PTPRD: variants seen among roughly 807,000 people sequenced by gnomAD.
The protein encoded by PTPRD is receptor-type tyrosine-protein phosphatase delta.
PTPRD carries 34 observed loss-of-function variants against 214.5 expected under a neutral mutation model. The observed-to-expected ratio is 0.16, with a 90% CI of 0.12 to 0.21. The LOEUF is 0.21. Among genes scored for constraint, PTPRD ranks in the 10% least tolerant of loss-of-function variants. The pLI is 1.00. For synonymous variants in PTPRD, 1,128 were observed against 845.7 expected, an observed-to-expected ratio of 1.33 and a Z score of -5.79; for missense variants, 2,545 against 2,398.7, an observed-to-expected ratio of 1.06 and a Z score of -1.27.
chr9:9,611,262 A>C (rs949584393), intron 7 of PTPRD, among the ~76,000 whole-genome samples: 1 of 152,226 alleles, frequency 6.6e-6, no homozygotes, highest in African/African-American at 2.4e-5. Flanking sequence ...AAATAACAGA[A>C]TTGGAAAATC....
chr9:8,398,741 G>A (rs2091791409), intron 36 of PTPRD, among the ~76,000 whole-genome samples: 1 of 152,160 alleles, frequency 6.6e-6, no homozygotes, highest in African/African-American at 2.4e-5. Flanking sequence ...CAGCAAAACA[G>A]AGCACCATCT....
At chr9:8,331,867 T>TACAAAAAGGGTAG in intron 43 of PTPRD, 131 bp from the exon 44 acceptor site, 2 of 1,080,238 alleles carry the variant, frequency 1.9e-6, no homozygotes, top group African/African-American at 3.2e-5. Flanking sequence ...GGAACATGTT[T>TACAAAAAGGGTAG]AAATAGAAAC....
intron 14 of PTPRD, among the ~76,000 whole-genome samples, chr9:8,591,640 G>A (rs2094115135): frequency 6.6e-6 from 1 of 152,140 alleles, no homozygotes; most frequent in African/African-American, 2.4e-5. Flanking sequence ...AATTTCTGAA[G>A]CTCAAATTCA....
At position 10,122,866 on chromosome 9, in the gene PTPRD, G is replaced by C. The variant is rs138468497; in HGVS notation, c.-544-89076C>G. On this transcript the variant is annotated intron_variant, in intron 3 of 45. Coordinates refer to ENST00000381196, the MANE Select transcript of PTPRD (RefSeq NM_002839.4). Reference sequence around the variant, plus strand: ...GTGATTATACAGCAGTTGTAAACTGGAACCTGTTGGTGAGAGGAATTTCCT... The same window carrying C: ...GTGATTATACAGCAGTTGTAAACTGCAACCTGTTGGTGAGAGGAATTTCCT... Among the ~76,000 whole-genome samples, 291 of 152,288 alleles carry C rather than the reference G, an allele frequency of 1.9e-3. 2 individuals carry two copies. The highest frequency in any genetic ancestry group is 3.2e-3 in the Non-Finnish European group (215 of 68,022).
Position 8,605,009 on chromosome 9 carries a change from A to C in PTPRD, c.352+28308T>G, listed in dbSNP as rs558390824. ...GATTTCTGGGTTTTCCATTTATTTA[A>C]GTAACAAAACAAAAATAAACTGCCA... On this transcript the variant is annotated intron_variant, in intron 14 of 45. Transcript: ENST00000381196. 1.5e-4 allele frequency among the ~76,000 whole-genome samples: 23 copies of C among 152,316 alleles called. No individual in the cohort carries two copies. In the South Asian group the frequency reaches 3.1e-3, roughly 21 times the overall value.
At chr9:10,041,056 A>T (rs2097288309) in intron 3 of PTPRD, among the ~76,000 whole-genome samples, 1 of 152,104 alleles carries the variant, frequency 6.6e-6, no homozygotes, top group South Asian at 2.1e-4. Flanking sequence ...GAAAAACAAG[A>T]ATGTAAAAAC....
intron 2 of PTPRD, among the ~76,000 whole-genome samples, chr9:10,377,896 C>A (rs970987478): frequency 2.0e-5 from 3 of 152,128 alleles, no homozygotes; most frequent in Non-Finnish European, 4.4e-5. Flanking sequence ...CATTGATACA[C>A]TGATTTCATT....
chr9:8,552,546 G>T (rs944020400), intron 14 of PTPRD, among the ~76,000 whole-genome samples: 3 of 152,086 alleles, frequency 2.0e-5, no homozygotes, highest in Non-Finnish European at 4.4e-5. Flanking sequence ...GAGACTTCTC[G>T]CAGCTTCAGG....
chr9:8,579,049 C>T (rs75722197), intron 14 of PTPRD, among the ~76,000 whole-genome samples: 5,216 of 152,154 alleles, frequency 0.034, 171 homozygotes, highest in African/African-American at 0.085. Flanking sequence ...ACTTACAAGT[C>T]CAAATCTGTA....
chr9:9,948,631 T>C (rs1168502031), intron 4 of PTPRD, among the ~76,000 whole-genome samples: 1 of 152,114 alleles, frequency 6.6e-6, no homozygotes, highest in Non-Finnish European at 1.5e-5. Flanking sequence ...CCCCAAAGGT[T>C]AAATTTTAAG....
intron 34 of PTPRD, among the ~76,000 whole-genome samples, chr9:8,440,362 C>T (rs1431671620): frequency 6.6e-6 from 1 of 151,042 alleles, no homozygotes; most frequent in Non-Finnish European, 1.5e-5. Context: ...GTTGCCCAGG[C>T]TGGAGTGCAG....
intron 11 of PTPRD, among the ~76,000 whole-genome samples, chr9:8,933,127 C>A (rs954146422): frequency 1.3e-5 from 2 of 151,960 alleles, no homozygotes; most frequent in African/African-American, 2.4e-5. Context: ...GGAGGGAGTT[C>A]CCCGACCCCT....
At chr9:9,815,779 C>G (rs1441561138) in intron 5 of PTPRD, among the ~76,000 whole-genome samples, 2 of 152,042 alleles carry the variant, frequency 1.3e-5, no homozygotes, top group Admixed American at 6.6e-5. Context: ...GTATGTTGGT[C>G]AAAGAGTCCA....
chr9:9,149,636 G>T (rs1423881235), intron 10 of PTPRD, among the ~76,000 whole-genome samples: 1 of 152,128 alleles, frequency 6.6e-6, no homozygotes, highest in Non-Finnish European at 1.5e-5. Flanking sequence ...AATCCAAGTA[G>T]GTGATAACAA....
chr9:8,712,671 T>A lies in PTPRD; in HGVS notation c.64+21109A>T, dbSNP rs75141215. The stretch of plus-strand genomic sequence containing the variant: ...CTCCTACATATTCTACTGTATTCAG[T>A]CTTTTCATGTTAATAAAATTTGAAT... On this transcript the variant is annotated intron_variant, in intron 12 of 45. Coordinates refer to ENST00000381196, the MANE Select transcript of PTPRD (RefSeq NM_002839.4). 3.4e-3 allele frequency among the ~76,000 whole-genome samples: 520 copies of A among 151,826 alleles called. 2 individuals are homozygous for A. The highest frequency in any genetic ancestry group is 0.012 in the African/African-American group (506 of 41,444).
intron 37 of PTPRD, among the ~76,000 whole-genome samples, chr9:8,382,980 C>T (rs934706334): frequency 3.3e-5 from 5 of 152,142 alleles, no homozygotes; most frequent in Non-Finnish European, 5.9e-5. Flanking sequence ...CCTTGACAAA[C>T]CAGAAGGGCC....
intron 10 of PTPRD, among the ~76,000 whole-genome samples, chr9:9,102,647 A>G (rs1239843756): frequency 7.9e-5 from 12 of 152,210 alleles, no homozygotes; most frequent in Non-Finnish European, 8.8e-5. Context: ...ATGTGGAAAA[A>G]CATTTACCAA....
chr9:9,014,930 G>A (rs927738582), intron 11 of PTPRD, among the ~76,000 whole-genome samples: 3 of 151,974 alleles, frequency 2.0e-5, no homozygotes, highest in African/African-American at 7.2e-5. Context: ...GCTATATTCT[G>A]TGTATACATG....
chr9:9,703,729 T>C (rs2097544556), intron 7 of PTPRD, among the ~76,000 whole-genome samples: 1 of 152,166 alleles, frequency 6.6e-6, no homozygotes, highest in Non-Finnish European at 1.5e-5. Flanking sequence ...TTGCCAAGAA[T>C]ACAAATTTAA....
Sources: allele counts gnomAD v4.1 joint callset (sites outside exome capture counted in the v4.1 genomes callset), GRCh38; gene constraint gnomAD v4.1.1; transcripts MANE v1.5; gene names NCBI Gene and HGNC (gene_info 2026-07-23, HGNC 2026-07-21).